The following FLNB variants were observed in gnomAD, a reference collection of about 807,000 sequenced individuals.
FLNB encodes the protein filamin B, also known as filamin-B.
A neutral mutation model predicts 250.6 loss-of-function variants in FLNB; 111 were observed. That is an observed-to-expected ratio of 0.44 (90% CI 0.38 to 0.52). The LOEUF (loss-of-function observed/expected upper bound fraction) is 0.52, where lower values mean the gene tolerates loss of function less well. Ranked by LOEUF, FLNB falls within the 20% of genes least tolerant of loss-of-function variation. The pLI, the probability that FLNB is intolerant of heterozygous loss-of-function variation, is 0.00. For synonymous variants in FLNB, 1,302 were observed against 1,372.1 expected (o/e 0.95, Z 1.13); for missense variants, 2,869 against 3,447.8 (o/e 0.83, Z 4.20).
intron 1 of FLNB, among the ~76,000 whole-genome samples, chr3:58,015,415 T>C (rs964040604): frequency 6.6e-6 from 1 of 152,232 alleles, no homozygotes; most frequent in Admixed American, 6.5e-5. Flanking sequence ...AGCTGTTCCC[T>C]TTCTCCAAGT....
rs1453667232 is a variant in FLNB at position 58,020,432 on chromosome 3, C to T, written c.292+11576C>T. On this transcript the variant is annotated intron_variant, in intron 1 of 45. Transcript: ENST00000295956. ...GTGAGCCAGAGCTGAACTTGTGATC[C>T]CCACGGGCATCTCCTGAGGCGCACC... 3.9e-5 allele frequency among the ~76,000 whole-genome samples: 6 copies of T among 152,248 alleles called. No individual in the cohort carries two copies. The South Asian group carries it at 1.0e-3, about 26-fold the overall frequency.
At chr3:58,066,096 A>G (rs1412551316) in intron 1 of FLNB, among the ~76,000 whole-genome samples, 1 of 152,042 alleles carries the variant, frequency 6.6e-6, no homozygotes, top group Non-Finnish European at 1.5e-5. Context: ...CAACAGAATG[A>G]GTTTGTATAG....
rs148563667 is a variant in FLNB, at chr3:58,153,397, G to A, written c.6390G>A (p.Ser2130=). The A allele has an allele frequency of 1.2e-5, 19 of 1,614,024 alleles. No homozygotes were observed. Among genetic ancestry groups the A allele is most frequent in the Middle Eastern group, 1.6e-4 (1 of 6,084 alleles). The change falls in exon 39 of 46, where the codon TCG becomes TCA. Residue 2130 remains serine (S), a synonymous_variant. Transcript: ENST00000295956. ...CAGAAATCAACAGCAGTGATATGTCGGCCCACGTCACCAGCCCCTCTGGCC... is the reference window on the plus strand; with the variant it reads ...CAGAAATCAACAGCAGTGATATGTCAGCCCACGTCACCAGCCCCTCTGGCC... ...KIPEINSSDM[S]AHVTSPSGRV... is the part of the protein sequence containing the mutation.
rs532617592 is a variant in FLNB, at chr3:58,041,237, C to T, written c.292+32381C>T. 4.0e-4 allele frequency among the ~76,000 whole-genome samples: 61 copies of T among 152,348 alleles called. No homozygotes were observed. In the South Asian group the frequency reaches 0.012, roughly 30 times the overall value. ...TTGATTCTTTTTGCTTTCAGTATCA[C>T]TTTATGATATTACAATGAGCTTGCA... On this transcript the variant is annotated intron_variant, in intron 1 of 45. Transcript: ENST00000295956.
rs550028868 is a variant in FLNB, at chr3:58,170,788, A to C, written c.*26A>C. On this transcript the variant is annotated 3_prime_UTR_variant, in exon 46 of 46. Transcript: ENST00000295956. ...AACAGTTTTCTCAAATCCTGGAGAG[A>C]GTTCTTGTGGTTGCTTTTGTTGCTT... 4 of 1,606,682 alleles carry C rather than the reference A, an allele frequency of 2.5e-6. No homozygotes were observed. In the African/African-American group the frequency reaches 4.0e-5, roughly 16 times the overall value.
At chr3:58,096,273 A>G (rs2097238399) in intron 6 of FLNB, 55 bp downstream of exon 6, 1 of 1,212,434 alleles carries the variant, frequency 8.2e-7, no homozygotes, top group African/African-American at 1.5e-5. Flanking sequence ...AGGAGAAGAA[A>G]GATAGCCCAG....
At chr3:58,144,443 A>G (rs1002293064) in intron 32 of FLNB, among the ~76,000 whole-genome samples, 1 of 152,198 alleles carries the variant, frequency 6.6e-6, no homozygotes, top group Admixed American at 6.5e-5. Context: ...ACAGATATAT[A>G]AGAGAGTGTC....
At chr3:58,061,178 T>C (rs1316977526) in intron 1 of FLNB, among the ~76,000 whole-genome samples, 1 of 152,236 alleles carries the variant, frequency 6.6e-6, no homozygotes. Context: ...AGCAACTGCA[T>C]GGTCTGGGAA....
chr3:58,119,054 T>A, intron 19 of FLNB, 65 bp downstream of exon 19: 1 of 1,204,822 alleles, frequency 8.3e-7, no homozygotes, highest in Non-Finnish European at 1.2e-6. Context: ...CTGGTTAGAT[T>A]TTCTTCAAAA....
At chr3:58,121,653 T>G (rs2097288959) in intron 20 of FLNB, 150 bp downstream of exon 20, 2 of 965,838 alleles carry the variant, frequency 2.1e-6, no homozygotes, top group East Asian at 5.1e-5. Flanking sequence ...CCTGGGTAGG[T>G]GGGTCACAAC....
chr3:58,117,905 G>T (rs2097281581), intron 18 of FLNB, among the ~76,000 whole-genome samples: 1 of 151,808 alleles, frequency 6.6e-6, no homozygotes, highest in Admixed American at 6.6e-5. Context: ...ACAGCTTTCA[G>T]CAGGGCCTGC....
At chr3:58,105,837 G>A (rs562960694) in intron 11 of FLNB, among the ~76,000 whole-genome samples, 8 of 152,292 alleles carry the variant, frequency 5.3e-5, no homozygotes, top group South Asian at 4.1e-4. Context: ...TCAGACTGTC[G>A]TTTAGCAACC....
At chr3:58,022,661 T>G (rs1398512471) in intron 1 of FLNB, among the ~76,000 whole-genome samples, 1 of 152,212 alleles carries the variant, frequency 6.6e-6, no homozygotes, top group Non-Finnish European at 1.5e-5. Context: ...GAAGTAGTTA[T>G]TGTTGTAATT....
At chr3:58,073,376 G>T (rs1308116074) in intron 1 of FLNB, among the ~76,000 whole-genome samples, 1 of 152,066 alleles carries the variant, frequency 6.6e-6, no homozygotes, top group African/African-American at 2.4e-5. Context: ...TTCCAGCTCA[G>T]GAAATGTCTG....
chr3:58,055,641 T>C (rs996549305), intron 1 of FLNB, among the ~76,000 whole-genome samples: 9 of 152,238 alleles, frequency 5.9e-5, no homozygotes, highest in African/African-American at 2.2e-4. Flanking sequence ...GGGAAAACTA[T>C]GGCCTGTGGG....
chr3:58,142,658 A>C lies in FLNB; in HGVS notation c.5190A>C (p.Glu1730Asp), dbSNP rs761263618. 1 of 1,614,024 alleles carries C rather than the reference A, an allele frequency of 6.2e-7. No homozygotes were observed. The highest frequency in any genetic ancestry group is 8.5e-7 in the Non-Finnish European group (1 of 1,179,870). ...CTGCCTTCTGTTTTTAGGTGACCGA[A>C]GAGGCCTATGTCCCAGTGAGTGACA... ...CPPGFRPWVTEEAYVPVSDMN... is the reference protein window; with the variant it reads ...CPPGFRPWVTDEAYVPVSDMN... The change falls in exon 31 of 46, where the codon GAA becomes GAC. Residue 1730 changes from glutamate (E) to aspartate (D), a missense_variant. This residue lies in a region of FLNB where 1,084 missense variants were observed against 1,315.5 expected (regional missense o/e 0.82). Transcript: ENST00000295956. The surrounding 1 kb of genome is among the most constrained non-coding windows in gnomAD (Gnocchi z 4.3).
chr3:58,022,191 T>G (rs1156291180), intron 1 of FLNB, among the ~76,000 whole-genome samples: 1 of 152,246 alleles, frequency 6.6e-6, no homozygotes, highest in Non-Finnish European at 1.5e-5. Flanking sequence ...GCTCTGACCT[T>G]GGCACTTAAT....
chr3:58,113,700 CA>C (rs1156288945), intron 18 of FLNB, among the ~76,000 whole-genome samples: 2 of 152,174 alleles, frequency 1.3e-5, no homozygotes, highest in Admixed American at 6.5e-5. Flanking sequence ...ATTTTTTAGA[CA>C]AAAGTCTTGC....
chr3:58,096,103 C>T (rs746733392), intron 5 of FLNB, 38 bp from the exon 6 acceptor site: 21 of 1,521,928 alleles, frequency 1.4e-5, no homozygotes, highest in East Asian at 4.5e-5. Context: ...TACTCACACC[C>T]GGCACCTTTT....
Sources: allele counts gnomAD v4.1 joint callset (sites outside exome capture counted in the v4.1 genomes callset), GRCh38; gene constraint gnomAD v4.1.1; regional missense constraint gnomAD v4.1.1; non-coding constraint Gnocchi (gnomAD v3.1); transcripts MANE v1.5; gene names NCBI Gene and HGNC (gene_info 2026-07-23, HGNC 2026-07-21).